FTO: variants seen among roughly 807,000 people sequenced by gnomAD.
FTO encodes the protein FTO alpha-ketoglutarate dependent dioxygenase, also known as alpha-ketoglutarate-dependent dioxygenase FTO.
A neutral mutation model predicts 63.9 loss-of-function variants in FTO; 47 were observed. The observed-to-expected ratio is 0.74, with a 90% CI of 0.58 to 0.94. The LOEUF (loss-of-function observed/expected upper bound fraction) is 0.94, where lower values mean the gene tolerates loss of function less well. Among genes scored for constraint, FTO ranks in the 40% least tolerant of loss-of-function variants. The probability of loss-of-function intolerance (pLI) is 0.00; values close to 1 mark genes in which losing one functional copy is unlikely to be tolerated. For missense variants in FTO, 562 were observed against 618.1 expected, an observed-to-expected ratio of 0.91 and a Z score of 0.96; for synonymous variants, 207 against 224.4, an observed-to-expected ratio of 0.92 and a Z score of 0.69.
At chr16:53,950,082 T>G (rs2082736539) in intron 8 of FTO, among the ~76,000 whole-genome samples, 1 of 148,992 alleles carries the variant, frequency 6.7e-6, no homozygotes, top group Admixed American at 6.8e-5. Context: ...ATTTTTTTTT[T>G]TTTGGTGTGT....
intron 8 of FTO, among the ~76,000 whole-genome samples, chr16:54,103,139 A>T (rs541634048): frequency 6.6e-6 from 1 of 152,088 alleles, no homozygotes; most frequent in Admixed American, 6.5e-5. Flanking sequence ...ATGGAGTGAG[A>T]CCCTGTGTCG....
chr16:53,965,210 A>T (rs556724684), intron 8 of FTO, among the ~76,000 whole-genome samples: 111 of 152,222 alleles, frequency 7.3e-4, no homozygotes, highest in Non-Finnish European at 1.2e-3. Context: ...AGTAGCTGGG[A>T]CTACAGGCAT....
At chr16:54,063,725 G>A (rs1365819110) in intron 8 of FTO, 6 of 111,698 alleles carry the variant, frequency 5.4e-5, no homozygotes, top group Non-Finnish European at 9.0e-5. Flanking sequence ...AGAATATTTT[G>A]ACCCCCAGAG....
intron 7 of FTO, among the ~76,000 whole-genome samples, chr16:53,927,527 T>C (rs2082175271): frequency 6.6e-6 from 1 of 152,030 alleles, no homozygotes; most frequent in Non-Finnish European, 1.5e-5. Flanking sequence ...CGTAGAGATG[T>C]CCGCAGTCTA....
rs536011381 is a variant in FTO at position 53,884,725 on chromosome 16, T to TG, written c.1120-4107_1120-4106insG. ...CTTATTAGCTTTGCTCTCCAATGCC[T>TG]AAGTGCCCAATGACTGAAGTCCAGA... On this transcript the variant is annotated intron_variant, in intron 6 of 8. Transcript: ENST00000471389. Among the ~76,000 whole-genome samples, 248 of 152,344 alleles carry TG rather than the reference T, an allele frequency of 1.6e-3. 1 individual carries two copies. Among genetic ancestry groups the TG allele is most frequent in the African/African-American group, 5.7e-3 (237 of 41,582 alleles).
At chr16:53,755,028 AG>A (rs1248062461) in intron 1 of FTO, among the ~76,000 whole-genome samples, 4 of 152,212 alleles carry the variant, frequency 2.6e-5, no homozygotes, top group Admixed American at 2.6e-4. Context: ...CCTAGGGAAA[AG>A]GGCTGACCTG....
intron 8 of FTO, among the ~76,000 whole-genome samples, chr16:53,947,487 C>T (rs2082677272): frequency 6.6e-6 from 1 of 152,152 alleles, no homozygotes; most frequent in African/African-American, 2.4e-5. Flanking sequence ...CTATTAGTGG[C>T]AGCACTTCCC....
At chr16:53,885,907 C>T (rs1169756761) in intron 6 of FTO, among the ~76,000 whole-genome samples, 1 of 152,128 alleles carries the variant, frequency 6.6e-6, no homozygotes, top group Non-Finnish European at 1.5e-5. Context: ...GCCACCACAA[C>T]CATCTAACTT....
At chr16:53,896,316 GT>G (rs75387322) in intron 7 of FTO, among the ~76,000 whole-genome samples, 2,602 of 141,952 alleles carry the variant, frequency 0.018, 59 homozygotes, top group African/African-American at 0.058. Flanking sequence ...TTCATCTAGG[GT>G]TTTTTTTTTT....
intron 3 of FTO, among the ~76,000 whole-genome samples, chr16:53,837,124 A>G (rs2079318461): frequency 6.6e-6 from 1 of 152,182 alleles, no homozygotes; most frequent in Non-Finnish European, 1.5e-5. Flanking sequence ...ACCTGATTTC[A>G]TATTTTACTT....
intron 1 of FTO, among the ~76,000 whole-genome samples, chr16:53,764,475 CAAAAA>C (rs56906281): frequency 3.4e-5 from 4 of 118,736 alleles, no homozygotes; most frequent in African/African-American, 1.2e-4. Context: ...ACTAAAAATA[CAAAAA>C]AAAAAAAAAA....
At chr16:54,076,617 A>G (rs2085998909) in intron 8 of FTO, among the ~76,000 whole-genome samples, 1 of 152,240 alleles carries the variant, frequency 6.6e-6, no homozygotes, top group Admixed American at 6.5e-5. Flanking sequence ...ATATATGTAT[A>G]TATTATGTAC....
intron 8 of FTO, among the ~76,000 whole-genome samples, chr16:54,025,220 G>A (rs988659107): frequency 1.3e-5 from 2 of 152,182 alleles, no homozygotes; most frequent in Admixed American, 6.5e-5. Context: ...TTTCCCAGAC[G>A]AAATTGGAGC....
At chr16:53,880,074 A>G (rs911286762) in intron 6 of FTO, 87 bp downstream of exon 6, 3 of 944,584 alleles carry the variant, frequency 3.2e-6, no homozygotes, top group Non-Finnish European at 4.9e-6. Flanking sequence ...GGCTCACTAC[A>G]ACCTCCATCT....
chr16:54,008,869 G>A (rs2084274029), intron 8 of FTO, among the ~76,000 whole-genome samples: 1 of 150,240 alleles, frequency 6.7e-6, no homozygotes, highest in African/African-American at 2.4e-5. Flanking sequence ...TAAATTAGCT[G>A]GATGTGGTGG....
At chr16:53,722,159 A>G (rs572218635) in intron 1 of FTO, among the ~76,000 whole-genome samples, 2 of 152,316 alleles carry the variant, frequency 1.3e-5, no homozygotes, top group East Asian at 3.9e-4. Flanking sequence ...TGTGTCAAAA[A>G]GTATGATACT....
rs770061754 is a variant in FTO at position 53,825,969 on chromosome 16, T to C, written c.229T>C (p.Cys77Arg). ...EAFLTLHKHGCLFRDLVRIQG... is the reference protein window; with the variant it reads ...EAFLTLHKHGRLFRDLVRIQG... ...CTTTCTCACACTGCACAAGCATGGC[T>C]GCTTATTTCGGGACCTGGTTAGGAT... The change falls in exon 3 of 9, where the codon TGC becomes CGC. Residue 77 changes from cysteine to arginine, a missense_variant. Cys to Arg is a radical substitution (Grantham distance 180, BLOSUM62 -3). Transcript: ENST00000471389. 1 of 1,614,194 alleles carries C rather than the reference T, an allele frequency of 6.2e-7. No homozygotes were observed. Among genetic ancestry groups the C allele is most frequent in the East Asian group, 2.2e-5 (1 of 44,884 alleles).
At chr16:53,914,922 T>C (rs2081822641) in intron 7 of FTO, among the ~76,000 whole-genome samples, 1 of 152,204 alleles carries the variant, frequency 6.6e-6, no homozygotes, top group East Asian at 1.9e-4. Flanking sequence ...TCTGCATGGT[T>C]ACAATGAAAA....
intron 7 of FTO, among the ~76,000 whole-genome samples, chr16:53,892,392 A>G (rs1167827017): frequency 1.3e-5 from 2 of 152,158 alleles, no homozygotes; most frequent in Non-Finnish European, 2.9e-5. Flanking sequence ...AAGATTCCAT[A>G]GCACAGGATA....
Sources: gnomAD v4.1 joint callset for allele counts (sites outside exome capture counted in the v4.1 genomes callset) on GRCh38, gnomAD v4.1.1 for gene constraint, MANE v1.5 for transcripts, NCBI Gene and HGNC (gene_info 2026-07-23, HGNC 2026-07-21) for gene names.